STYK1: variants seen among roughly 807,000 people sequenced by gnomAD.
STYK1 encodes STY kinase 1.
In STYK1, 46 loss-of-function variants were observed where a neutral mutation model predicts 48.1. The observed-to-expected ratio is 0.96, with a 90% CI of 0.75 to 1.22. STYK1 has a LOEUF of 1.22. Among genes scored for constraint, STYK1 ranks in the 50% most tolerant of loss-of-function variants. STYK1 has a pLI of 0.00. For synonymous variants in STYK1, 188 were observed against 189.0 expected, an observed-to-expected ratio of 0.99 and a Z score of 0.04; for missense variants, 527 against 521.1, an observed-to-expected ratio of 1.01 and a Z score of -0.11.
At chr12:10,651,860 T>C (rs1328786501) in intron 1 of STYK1, among the ~76,000 whole-genome samples, 2 of 118,158 alleles carry the variant, frequency 1.7e-5, no homozygotes, top group Admixed American at 1.0e-4. Context: ...AATTGTCAAT[T>C]GTTCTATTCT....
Position 10,631,163 on chromosome 12 carries a change from C to T in STYK1, c.333G>A (p.Glu111=). ...TCTGCTCCAGAACTTCAGAGAGTTG[C>T]TCCCGCGGCACCTGCAGCTTAGCCA... The part of the protein sequence containing the change: ...PALAKLQVPR[E]QLSEVLEQIC... Residue 111 remains glutamate (E), a synonymous_variant, in exon 5 of 11, where the codon GAG becomes GAA. Coordinates refer to ENST00000075503, the MANE Select transcript of STYK1 (RefSeq NM_018423.3). 1 of 1,614,192 alleles carries T rather than the reference C, an allele frequency of 6.2e-7. No homozygotes were observed. The highest frequency in any genetic ancestry group is 8.5e-7 in the Non-Finnish European group (1 of 1,180,036).
rs1307510827 is a variant in STYK1, at chr12:10,672,556, A to G, written c.-195+1410T>C. On this transcript the variant is annotated intron_variant, in intron 1 of 10. Coordinates refer to ENST00000075503, the MANE Select transcript of STYK1 (RefSeq NM_018423.3). This position sits in a 1 kb window ranked among gnomAD's most constrained non-coding sequence, Gnocchi z 4.0. Reference sequence around the variant, plus strand: ...CCCACTAGCATTAGATTGTCATAGGAGCGTGAACCCTATTGTGAACTGCTC... The same window carrying G: ...CCCACTAGCATTAGATTGTCATAGGGGCGTGAACCCTATTGTGAACTGCTC... Among the ~76,000 whole-genome samples, 1 of 152,102 alleles carries G rather than the reference A, an allele frequency of 6.6e-6. No individual in the cohort carries two copies. Among genetic ancestry groups the G allele is most frequent in the Non-Finnish European group, 1.5e-5 (1 of 68,034 alleles).
intron 1 of STYK1, chr12:10,667,376 A>G (rs1047188842): frequency 1.3e-5 from 2 of 152,198 alleles, no homozygotes; most frequent in African/African-American, 4.8e-5. Context: ...GCACTTTGGA[A>G]GATGAAGGCA....
At chr12:10,636,163 T>C (rs1323781856) in intron 2 of STYK1, among the ~76,000 whole-genome samples, 2 of 152,240 alleles carry the variant, frequency 1.3e-5, no homozygotes, top group Non-Finnish European at 2.9e-5. Context: ...TGTTACTTAC[T>C]GAGGCAGAAT....
intron 4 of STYK1, among the ~76,000 whole-genome samples, chr12:10,632,201 T>TAA (rs56187392): frequency 0.028 from 4,148 of 146,726 alleles, 199 homozygotes; most frequent in African/African-American, 0.097. Flanking sequence ...TCCATCTCTT[T>TAA]AAAAAAAAAA....
chr12:10,659,084 G>A (rs537982751), intron 1 of STYK1, among the ~76,000 whole-genome samples: 2 of 152,120 alleles, frequency 1.3e-5, no homozygotes, highest in Non-Finnish European at 2.9e-5. Context: ...TGATTCTCAC[G>A]GAGAGCTGAA....
At chr12:10,665,671 C>T (rs775963249) in intron 1 of STYK1, among the ~76,000 whole-genome samples, 1 of 152,232 alleles carries the variant, frequency 6.6e-6, no homozygotes, top group South Asian at 2.1e-4. Context: ...TGTGTCCAGA[C>T]TAGCCTCTGC....
At chr12:10,669,604 A>T (rs144679063) in intron 1 of STYK1, among the ~76,000 whole-genome samples, 1,606 of 152,280 alleles carry the variant, frequency 0.011, 30 homozygotes, top group African/African-American at 0.036. Context: ...CCAAAAGCAC[A>T]GGCAACAAAA....
chr12:10,646,004 T>A (rs148330053), intron 1 of STYK1, among the ~76,000 whole-genome samples: 2 of 152,232 alleles, frequency 1.3e-5, no homozygotes, highest in East Asian at 3.8e-4. Context: ...GCCTCCCTAG[T>A]CACTTGGAAC....
At chr12:10,630,955 C>T (rs1947419851) in intron 5 of STYK1, 90 bp downstream of exon 5, 1 of 1,511,220 alleles carries the variant, frequency 6.6e-7, no homozygotes, top group East Asian at 2.3e-5. Context: ...GTTATGATCA[C>T]AACTATCTGT....
Position 10,634,643 on chromosome 12 carries a change from G to C in STYK1, c.-25C>G, listed in dbSNP as rs577195783. 6.2e-7 allele frequency: 1 copy of C among 1,613,946 alleles called. No individual in the cohort carries two copies. The highest frequency in any genetic ancestry group is 1.1e-5 in the South Asian group (1 of 91,044). On this transcript the variant is annotated 5_prime_UTR_variant, in exon 3 of 11. Coordinates refer to ENST00000075503, the MANE Select transcript of STYK1 (RefSeq NM_018423.3). The stretch of plus-strand genomic sequence containing the variant: ...TTGCCACAGGGCTGTCCCCTTCCCT[G>C]CTAGGCCCACAGAGAATGCACACAG...
At position 10,672,463 on chromosome 12, in the gene STYK1, C is replaced by T. The variant is rs1947900982; in HGVS notation, c.-195+1503G>A. On this transcript the variant is annotated intron_variant, in intron 1 of 10. Transcript: ENST00000075503. The surrounding 1 kb of genome is among the most constrained non-coding windows in gnomAD (Gnocchi z 4.0). ...AGTTGCCCAGGCTGGTCTCAAACTCCTGAACTCAGGGCGATCCACCCACCA... is the reference window on the plus strand; with the variant it reads ...AGTTGCCCAGGCTGGTCTCAAACTCTTGAACTCAGGGCGATCCACCCACCA... Among the ~76,000 whole-genome samples, 1 of 152,138 alleles carries T rather than the reference C, an allele frequency of 6.6e-6. No individual in the cohort carries two copies. Among genetic ancestry groups the T allele is most frequent in the African/African-American group, 2.4e-5 (1 of 41,422 alleles).
At chr12:10,649,057 G>T (rs1947631244) in intron 1 of STYK1, among the ~76,000 whole-genome samples, 1 of 152,080 alleles carries the variant, frequency 6.6e-6, no homozygotes. Flanking sequence ...TTATATGTAT[G>T]TTTTTTAAAA....
intron 1 of STYK1, among the ~76,000 whole-genome samples, chr12:10,642,447 C>T (rs1406207913): frequency 6.6e-6 from 1 of 152,144 alleles, no homozygotes; most frequent in Non-Finnish European, 1.5e-5. Context: ...TGTAAAATGC[C>T]TAGAACATTA....
At chr12:10,638,206 C>G (rs1355001831) in intron 1 of STYK1, among the ~76,000 whole-genome samples, 1 of 152,156 alleles carries the variant, frequency 6.6e-6, no homozygotes, top group African/African-American at 2.4e-5. Context: ...TACTTTGCCT[C>G]TAGTTTACAT....
rs761524912 is a variant in STYK1 at position 10,621,992 on chromosome 12, G to A, written c.968-20C>T. Reference sequence around the variant, plus strand: ...GTGCTCCTGTCATTACGAAAATAATGAGAACTTTAAGGTCCTCTAAAATAT... The same window carrying A: ...GTGCTCCTGTCATTACGAAAATAATAAGAACTTTAAGGTCCTCTAAAATAT... On this transcript the variant is annotated intron_variant, in intron 9 of 10. Coordinates refer to ENST00000075503, the MANE Select transcript of STYK1 (RefSeq NM_018423.3). The A allele has an allele frequency of 1.8e-5, 29 of 1,607,096 alleles. No individual in the cohort carries two copies. The highest frequency in any genetic ancestry group is 2.3e-5 in the Non-Finnish European group (27 of 1,174,226).
intron 1 of STYK1, chr12:10,640,752 T>C (rs758081001): frequency 6.6e-6 from 1 of 152,176 alleles, no homozygotes; most frequent in African/African-American, 2.4e-5. Context: ...ATATGTGATA[T>C]ACAGTTGAGA....
rs151214638 is a variant in STYK1 at position 10,635,890 on chromosome 12, G to C, written c.-69+1181C>G. On this transcript the variant is annotated intron_variant, in intron 2 of 10. Transcript: ENST00000075503. ...CTAAATTTATATTTTGCCTTTGCTT[G>C]ACAAGACACTCCCATGGTTCTATAG... Among the ~76,000 whole-genome samples the C allele has an allele frequency of 2.0e-3, 303 of 152,218 alleles. 1 individual carries two copies. Among genetic ancestry groups the C allele is most frequent in the African/African-American group, 7.0e-3 (289 of 41,528 alleles).
At chr12:10,639,417 C>CTTT (rs762075648) in intron 1 of STYK1, among the ~76,000 whole-genome samples, 1 of 145,202 alleles carries the variant, frequency 6.9e-6, no homozygotes. Context: ...AAATTGGCCA[C>CTTT]TTTTTTTTTT....
Sources: gnomAD v4.1 joint callset for allele counts (sites outside exome capture counted in the v4.1 genomes callset) on GRCh38, gnomAD v4.1.1 for gene constraint, Gnocchi (gnomAD v3.1) non-coding constraint, MANE v1.5 for transcripts, NCBI Gene and HGNC (gene_info 2026-07-23, HGNC 2026-07-21) for gene names.